The following CADPS2 variants were observed in gnomAD, a reference collection of about 807,000 sequenced individuals.
The protein encoded by CADPS2 is calcium-dependent secretion activator 2.
A neutral mutation model predicts 172.5 loss-of-function variants in CADPS2; 93 were observed. The observed-to-expected ratio is 0.54, with a 90% CI of 0.46 to 0.64. The LOEUF (loss-of-function observed/expected upper bound fraction) is 0.64. Among genes scored for constraint, CADPS2 ranks in the 30% least tolerant of loss-of-function variants. The pLI, the probability that CADPS2 is intolerant of heterozygous loss-of-function variation, is 0.00. For missense variants in CADPS2, 1,420 were observed against 1,565.9 expected, an observed-to-expected ratio of 0.91 and a Z score of 1.57; for synonymous variants, 546 against 555.2, an observed-to-expected ratio of 0.98 and a Z score of 0.23.
chr7:122,551,725 AACTTG>A (rs1251790065), intron 8 of CADPS2, among the ~76,000 whole-genome samples: 1 of 152,126 alleles, frequency 6.6e-6, no homozygotes, highest in Non-Finnish European at 1.5e-5. Flanking sequence ...ATATTTTTAA[AACTTG>A]ACTTGTCTCT....
chr7:122,729,530 G>T (rs1430521434), intron 2 of CADPS2, among the ~76,000 whole-genome samples: 4 of 151,688 alleles, frequency 2.6e-5, no homozygotes, highest in Non-Finnish European at 5.9e-5. Context: ...GTCAACATCT[G>T]TTATTTTTTG....
intron 6 of CADPS2, among the ~76,000 whole-genome samples, chr7:122,604,218 AG>A (rs999084723): frequency 6.6e-6 from 1 of 152,118 alleles, no homozygotes; most frequent in African/African-American, 2.4e-5. Flanking sequence ...CTATGCAACT[AG>A]GTTTCTTAAA....
chr7:122,776,296 T>C (rs973990472), intron 1 of CADPS2, among the ~76,000 whole-genome samples: 1 of 152,182 alleles, frequency 6.6e-6, no homozygotes, highest in Non-Finnish European at 1.5e-5. Context: ...CATGCTGCCA[T>C]GTAAGACATG....
intron 29 of CADPS2, 38 bp downstream of exon 29, chr7:122,325,439 C>T (rs879825391): frequency 1.5e-6 from 2 of 1,310,540 alleles, no homozygotes; most frequent in South Asian, 1.2e-5. Flanking sequence ...TTCCTTATAG[C>T]TTAGTGGGCA....
intron 28 of CADPS2, among the ~76,000 whole-genome samples, chr7:122,337,081 C>T (rs2035965125): frequency 1.3e-5 from 2 of 152,182 alleles, no homozygotes; most frequent in South Asian, 2.1e-4. Flanking sequence ...AGCTGCAAGG[C>T]TACATCTCCC....
intron 24 of CADPS2, among the ~76,000 whole-genome samples, chr7:122,385,500 T>G (rs1289708402): frequency 6.6e-6 from 1 of 152,018 alleles, no homozygotes; most frequent in African/African-American, 2.4e-5. Context: ...CTGAGTTTGA[T>G]TCCCAATTGT....
At chr7:122,486,516 G>GAGATAAAACC (rs2057826989) in intron 11 of CADPS2, among the ~76,000 whole-genome samples, 1 of 152,168 alleles carries the variant, frequency 6.6e-6, no homozygotes, top group South Asian at 2.1e-4. Context: ...GATAAAACTT[G>GAGATAAAACC]AACAGATAAG....
chr7:122,563,903 A>C (rs1485318474), intron 7 of CADPS2, among the ~76,000 whole-genome samples: 1 of 152,170 alleles, frequency 6.6e-6, no homozygotes, highest in East Asian at 1.9e-4. Flanking sequence ...AAAATCAGAA[A>C]TGCTCCAAAA....
intron 1 of CADPS2, among the ~76,000 whole-genome samples, chr7:122,874,579 C>T (rs1445209734): frequency 6.6e-6 from 1 of 152,018 alleles, no homozygotes; most frequent in South Asian, 2.1e-4. Context: ...GCCAAGACAA[C>T]CATAAGCAAA....
intron 1 of CADPS2, among the ~76,000 whole-genome samples, chr7:122,856,107 T>G (rs1474682696): frequency 6.6e-6 from 1 of 152,148 alleles, no homozygotes. Flanking sequence ...AAAAGCCTCA[T>G]GCTAGGGATG....
intron 20 of CADPS2, among the ~76,000 whole-genome samples, chr7:122,398,025 C>G (rs915083566): frequency 6.6e-6 from 1 of 152,104 alleles, no homozygotes; most frequent in African/African-American, 2.4e-5. Flanking sequence ...TGACATCGAG[C>G]CCTATGGTAC....
At position 122,680,251 on chromosome 7, in the gene CADPS2, C is replaced by G. The variant is rs550005228; in HGVS notation, c.454-16682G>C. Among the ~76,000 whole-genome samples, 97 of 152,320 alleles carry G rather than the reference C, an allele frequency of 6.4e-4. 2 individuals carry two copies. In the South Asian group the frequency reaches 0.019, roughly 30 times the overall value. On this transcript the variant is annotated intron_variant, in intron 2 of 29. Transcript: ENST00000449022. ...TCTTTACCTATCAAATGTGAAGAAT[C>G]ACAGCTTAAAACTAATAGCAAATAA...
chr7:122,728,674 TCA>T (rs1257186133), intron 2 of CADPS2, among the ~76,000 whole-genome samples: 1 of 151,800 alleles, frequency 6.6e-6, no homozygotes, highest in Non-Finnish European at 1.5e-5. Context: ...AAATTAACAT[TCA>T]GACACTTGTG....
At chr7:122,771,341 G>A (rs2093698448) in intron 1 of CADPS2, among the ~76,000 whole-genome samples, 1 of 152,184 alleles carries the variant, frequency 6.6e-6, no homozygotes, top group Admixed American at 6.5e-5. Context: ...ACCAGGCTAT[G>A]GATATTACTA....
At chr7:122,798,222 T>G (rs530007752) in intron 1 of CADPS2, among the ~76,000 whole-genome samples, 1 of 152,198 alleles carries the variant, frequency 6.6e-6, no homozygotes, top group South Asian at 2.1e-4. Context: ...GAGGAAAAGG[T>G]GCTGTGATCG....
intron 14 of CADPS2, among the ~76,000 whole-genome samples, chr7:122,459,853 T>C (rs902721641): frequency 6.6e-6 from 1 of 152,164 alleles, no homozygotes; most frequent in Non-Finnish European, 1.5e-5. Context: ...TCTGCCCCAA[T>C]AGAGTTTATA....
At chr7:122,443,628 T>A (rs2151976029) in intron 15 of CADPS2, among the ~76,000 whole-genome samples, 1 of 146,768 alleles carries the variant, frequency 6.8e-6, no homozygotes, top group East Asian at 2.0e-4. Context: ...ACACATAGTT[T>A]AAAGAGGAAA....
At chr7:122,629,019 T>G (rs905747314) in intron 4 of CADPS2, among the ~76,000 whole-genome samples, 2 of 151,912 alleles carry the variant, frequency 1.3e-5, no homozygotes, top group African/African-American at 4.8e-5. Context: ...AAGTTATCAT[T>G]AAAATTAAAC....
chr7:122,359,953 C>A (rs918737761), intron 27 of CADPS2, among the ~76,000 whole-genome samples: 1 of 152,106 alleles, frequency 6.6e-6, no homozygotes, highest in African/African-American at 2.4e-5. Flanking sequence ...AGCTTGCCAG[C>A]ACTCAAAACT....
Sources: allele counts gnomAD v4.1 joint callset (sites outside exome capture counted in the v4.1 genomes callset), GRCh38; gene constraint gnomAD v4.1.1; transcripts MANE v1.5; gene names NCBI Gene and HGNC (gene_info 2026-07-23, HGNC 2026-07-21).